Variants in RIT2 observed in about 807,000 individuals in gnomAD.
RIT2 encodes GTP-binding protein Rit2.
A neutral mutation model predicts 23.7 loss-of-function variants in RIT2; 24 were observed. The observed-to-expected ratio is 1.01, with a 90% CI of 0.73 to 1.43. The LOEUF is 1.43. Among genes scored for constraint, RIT2 ranks in the 40% most tolerant of loss-of-function variants. The pLI, the probability that RIT2 is intolerant of heterozygous loss-of-function variation, is 0.00. For missense variants in RIT2, 236 were observed against 266.9 expected, an observed-to-expected ratio of 0.88 and a Z score of 0.81; for synonymous variants, 107 against 91.1, an observed-to-expected ratio of 1.17 and a Z score of -0.99.
chr18:43,036,013 A>G (rs1911966225), intron 1 of RIT2, among the ~76,000 whole-genome samples: 1 of 152,224 alleles, frequency 6.6e-6, no homozygotes, highest in Non-Finnish European at 1.5e-5. Flanking sequence ...GCAGTACACG[A>G]TAGTCATGGA....
chr18:42,746,699 G>T (rs185801547), intron 4 of RIT2, among the ~76,000 whole-genome samples: 56 of 152,122 alleles, frequency 3.7e-4, no homozygotes, highest in African/African-American at 1.3e-3. Context: ...GTACACAAGA[G>T]ACAGAAAGAG....
intron 2 of RIT2, among the ~76,000 whole-genome samples, chr18:42,997,287 AT>A (rs986535279): frequency 1.3e-5 from 2 of 151,754 alleles, no homozygotes; most frequent in Admixed American, 6.6e-5. Context: ...TTTGTTTTTT[AT>A]TTTTTTCCTG....
chr18:42,884,970 T>A (rs1907984218), intron 4 of RIT2, among the ~76,000 whole-genome samples: 1 of 152,204 alleles, frequency 6.6e-6, no homozygotes, highest in African/African-American at 2.4e-5. Flanking sequence ...CTACTACAGC[T>A]TCCCACTGAA....
At chr18:42,839,108 C>G (rs2144021150) in intron 4 of RIT2, among the ~76,000 whole-genome samples, 1 of 152,224 alleles carries the variant, frequency 6.6e-6, no homozygotes, top group East Asian at 1.9e-4. Context: ...CCTTTGCACA[C>G]TGGAAAATGA....
At chr18:42,905,992 G>GTA (rs1259283222) in intron 4 of RIT2, among the ~76,000 whole-genome samples, 1 of 2,222 alleles carries the variant, frequency 4.5e-4, no homozygotes, top group Non-Finnish European at 2.1e-3. Context: ...ATATATATAT[G>GTA]TATATATATA....
chr18:42,857,345 A>C (rs955929931), intron 4 of RIT2, among the ~76,000 whole-genome samples: 11 of 152,076 alleles, frequency 7.2e-5, no homozygotes, highest in African/African-American at 2.7e-4. Context: ...TTTTTTCTCT[A>C]TGTGATTCTT....
intron 4 of RIT2, among the ~76,000 whole-genome samples, chr18:42,820,470 A>G (rs1174516229): frequency 6.6e-6 from 1 of 152,096 alleles, no homozygotes; most frequent in Non-Finnish European, 1.5e-5. Flanking sequence ...GGGCTACATC[A>G]ATAGGCTTTC....
chr18:43,084,973 G>A (rs1273191113), intron 1 of RIT2, among the ~76,000 whole-genome samples: 1 of 152,102 alleles, frequency 6.6e-6, no homozygotes, highest in African/African-American at 2.4e-5. Context: ...GGCCATGTGT[G>A]AGGAGCAGTG....
intron 1 of RIT2, among the ~76,000 whole-genome samples, chr18:43,045,173 C>T (rs898541475): frequency 2.0e-5 from 3 of 152,074 alleles, no homozygotes; most frequent in African/African-American, 4.8e-5. Context: ...TGCCAACATA[C>T]GTAAATACAA....
chr18:42,874,352 CT>C (rs1431444824), intron 4 of RIT2, among the ~76,000 whole-genome samples: 1 of 151,996 alleles, frequency 6.6e-6, no homozygotes, highest in Non-Finnish European at 1.5e-5. Context: ...AAGAAGTTTT[CT>C]TCTACTTTTT....
At chr18:42,923,369 G>A (rs1432118878) in intron 4 of RIT2, 3 of 570,920 alleles carry the variant, frequency 5.3e-6, no homozygotes, top group South Asian at 2.2e-5. Flanking sequence ...ACTAGTAAGG[G>A]CACTCTGCAA....
intron 2 of RIT2, among the ~76,000 whole-genome samples, chr18:42,977,179 T>C (rs772199529): frequency 2.6e-5 from 4 of 152,070 alleles, no homozygotes; most frequent in Non-Finnish European, 5.9e-5. Flanking sequence ...TCTTCTTTCA[T>C]TGTATTCATT....
chr18:42,938,979 C>T (rs1036271378), intron 3 of RIT2, among the ~76,000 whole-genome samples: 1 of 152,126 alleles, frequency 6.6e-6, no homozygotes, highest in African/African-American at 2.4e-5. Flanking sequence ...CTCTTGGGCT[C>T]AAGCAATACT....
intron 1 of RIT2, among the ~76,000 whole-genome samples, chr18:43,073,747 G>A (rs111377595): frequency 0.016 from 2,416 of 152,206 alleles, 71 homozygotes; most frequent in African/African-American, 0.054. Context: ...AATCCAGACT[G>A]GTTGACTGGA....
At chr18:43,027,208 A>G (rs1028651847) in intron 2 of RIT2, among the ~76,000 whole-genome samples, 1 of 152,122 alleles carries the variant, frequency 6.6e-6, no homozygotes, top group African/African-American at 2.4e-5. Flanking sequence ...TTGATTGAAT[A>G]AAGTATTAGA....
At chr18:43,110,360 A>C (rs1336619626) in intron 1 of RIT2, among the ~76,000 whole-genome samples, 1 of 152,076 alleles carries the variant, frequency 6.6e-6, no homozygotes, top group Non-Finnish European at 1.5e-5. Flanking sequence ...AAAATAAGAT[A>C]TTATTTTTAT....
rs763806800 is a variant in RIT2, at chr18:43,037,882, C to T, written c.104-4015G>A. Among the ~76,000 whole-genome samples the T allele has an allele frequency of 4.1e-4, 63 of 151,918 alleles. 2 individuals are homozygous for T. In the Middle Eastern group the frequency reaches 0.024, roughly 57 times the overall value. On this transcript the variant is annotated intron_variant, in intron 1 of 4. Coordinates refer to ENST00000326695, the MANE Select transcript of RIT2 (RefSeq NM_002930.4). ...TAAGGATTCTTTTTTCTTTATAGTC[C>T]GCTAGTTTTACTAAGTTATGTCTTG...
chr18:42,935,492 C>CA (rs1170971527), intron 3 of RIT2, among the ~76,000 whole-genome samples: 1 of 152,152 alleles, frequency 6.6e-6, no homozygotes, highest in African/African-American at 2.4e-5. Flanking sequence ...GCTCTGGACT[C>CA]ACCCATCCAG....
intron 2 of RIT2, among the ~76,000 whole-genome samples, chr18:43,029,328 G>A (rs952283593): frequency 6.6e-6 from 1 of 152,034 alleles, no homozygotes; most frequent in Non-Finnish European, 1.5e-5. Context: ...AATAGGACAT[G>A]TAAGTATAGT....
Sources: gnomAD v4.1 joint callset for allele counts (sites outside exome capture counted in the v4.1 genomes callset) on GRCh38, gnomAD v4.1.1 for gene constraint, MANE v1.5 for transcripts, NCBI Gene and HGNC (gene_info 2026-07-23, HGNC 2026-07-21) for gene names.